CHN2: variants seen among roughly 807,000 people sequenced by gnomAD.
CHN2 encodes chimerin 2, also known as beta-chimaerin.
In CHN2, 35 loss-of-function variants were observed where a neutral mutation model predicts 56.3. The observed-to-expected ratio is 0.62, with a 90% CI of 0.47 to 0.82. CHN2 has a LOEUF of 0.82. CHN2 is among the 40% of genes least tolerant of loss of function. CHN2 has a pLI of 0.00. For missense variants in CHN2, 491 were observed against 580.5 expected, an observed-to-expected ratio of 0.85 and a Z score of 1.58; for synonymous variants, 210 against 212.8, an observed-to-expected ratio of 0.99 and a Z score of 0.12.
chr7:29,514,217 C>CA lies in CHN2; in HGVS notation c.*1488dup, dbSNP rs1372595388. ...TAGTTTATGTACTTCTTGATACTGT[C>CA]AAAAAATTATCTGGAAATGGTTTTA... On this transcript the variant is annotated 3_prime_UTR_variant, in exon 13 of 13. Transcript: ENST00000222792. 6.6e-6 allele frequency: 1 copy of CA among 152,488 alleles called. No individual in the cohort carries two copies. The highest frequency in any genetic ancestry group is 2.4e-5 in the African/African-American group (1 of 41,390). The allele number at this position is 152,488 out of a possible 1,614,324, so 9.4% of individuals were successfully genotyped here.
In CHN2 at chr7:29,345,891, C is replaced by G. The variant is rs1797397457; in HGVS notation, c.50-8734C>G. On this transcript the variant is annotated intron_variant, in intron 1 of 12. Coordinates refer to ENST00000222792, the MANE Select transcript of CHN2 (RefSeq NM_004067.4). ...TACTTCCCTTGTCTTTGGGGCCCAG[C>G]CTCAGGGTCCAGCAGTAATTCCTGG... Among the ~76,000 whole-genome samples the G allele has an allele frequency of 2.0e-5, 3 of 152,040 alleles. No individual in the cohort carries two copies. The South Asian group carries it at 6.2e-4, about 32-fold the overall frequency.
intron 8 of CHN2, among the ~76,000 whole-genome samples, chr7:29,499,229 G>C (rs1009828103): frequency 6.6e-6 from 1 of 152,028 alleles, no homozygotes; most frequent in African/African-American, 2.4e-5. Context: ...AAACTCTCAA[G>C]TACTCCTACT....
chr7:29,349,988 A>G (rs1411409916), intron 1 of CHN2, among the ~76,000 whole-genome samples: 1 of 152,182 alleles, frequency 6.6e-6, no homozygotes, highest in Non-Finnish European at 1.5e-5. Context: ...AATATGTTCC[A>G]CCATTTGGCT....
chr7:29,441,691 A>G (rs1264574247), intron 6 of CHN2, among the ~76,000 whole-genome samples: 1 of 152,244 alleles, frequency 6.6e-6, no homozygotes. Flanking sequence ...GTCCAACATT[A>G]TTAGTCATTA....
intron 6 of CHN2, among the ~76,000 whole-genome samples, chr7:29,416,005 A>G (rs1438597069): frequency 6.6e-6 from 1 of 152,176 alleles, no homozygotes; most frequent in Non-Finnish European, 1.5e-5. Flanking sequence ...GAAGAGTGGG[A>G]GGAAGCAGGA....
At chr7:29,262,158 A>T (rs1789605927) in intron 1 of CHN2, among the ~76,000 whole-genome samples, 2 of 152,146 alleles carry the variant, frequency 1.3e-5, no homozygotes, top group African/African-American at 4.8e-5. Flanking sequence ...ACAGAGCCAG[A>T]CTCAGCCTCA....
At chr7:29,278,413 T>A (rs910310904) in intron 1 of CHN2, among the ~76,000 whole-genome samples, 1 of 150,856 alleles carries the variant, frequency 6.6e-6, no homozygotes, top group Admixed American at 6.6e-5. Context: ...GATACATAAA[T>A]GAATGAGCAT....
At chr7:29,507,671 A>T (rs1457908763) in intron 11 of CHN2, among the ~76,000 whole-genome samples, 1 of 152,220 alleles carries the variant, frequency 6.6e-6, no homozygotes, top group African/African-American at 2.4e-5. Flanking sequence ...CAGAAAAAAA[A>T]GTCTTCAATG....
At chr7:29,270,151 A>G (rs548216687) in intron 1 of CHN2, among the ~76,000 whole-genome samples, 2 of 152,286 alleles carry the variant, frequency 1.3e-5, no homozygotes, top group South Asian at 4.1e-4. Context: ...CACTTTCTCC[A>G]TGCCAGGCAT....
intron 7 of CHN2, among the ~76,000 whole-genome samples, chr7:29,482,793 T>TTTTCG (rs1787425934): frequency 8.3e-6 from 1 of 119,934 alleles, no homozygotes; most frequent in African/African-American, 3.3e-5. Flanking sequence ...GTCTGCACTT[T>TTTTCG]TTTCTTTTTT....
chr7:29,422,185 T>A (rs1804413246), intron 6 of CHN2, among the ~76,000 whole-genome samples: 1 of 152,224 alleles, frequency 6.6e-6, no homozygotes, highest in South Asian at 2.1e-4. Context: ...GTGTTAATTT[T>A]AAGGATGACT....
intron 1 of CHN2, among the ~76,000 whole-genome samples, chr7:29,265,380 C>T (rs1790056422): frequency 6.6e-6 from 1 of 152,188 alleles, no homozygotes; most frequent in South Asian, 2.1e-4. Flanking sequence ...CTCTGCTAGA[C>T]TTAGACTGGC....
intron 2 of CHN2, among the ~76,000 whole-genome samples, chr7:29,159,110 C>A (rs1333907717): frequency 6.6e-6 from 1 of 152,172 alleles, no homozygotes; most frequent in African/African-American, 2.4e-5. Context: ...TCCTAATGGG[C>A]TACACAGCAC....
intron 6 of CHN2, among the ~76,000 whole-genome samples, chr7:29,463,546 C>G (rs1381516807): frequency 1.3e-5 from 2 of 152,102 alleles, no homozygotes; most frequent in Non-Finnish European, 2.9e-5. Context: ...TTCCTGTGGA[C>G]TCAGATTGTT....
intron 1 of CHN2, among the ~76,000 whole-genome samples, chr7:29,248,996 C>T (rs906548461): frequency 6.6e-6 from 1 of 152,158 alleles, no homozygotes; most frequent in Non-Finnish European, 1.5e-5. Context: ...TAGTCAAAAA[C>T]AAGTTCTTCT....
intron 1 of CHN2, among the ~76,000 whole-genome samples, chr7:29,329,739 G>T (rs1195151023): frequency 6.6e-6 from 1 of 152,156 alleles, no homozygotes; most frequent in East Asian, 1.9e-4. Context: ...ATCCTAAAGC[G>T]TTTTAATATT....
intron 6 of CHN2, among the ~76,000 whole-genome samples, chr7:29,449,163 T>C (rs967989972): frequency 2.0e-5 from 3 of 152,206 alleles, no homozygotes; most frequent in Non-Finnish European, 4.4e-5. Context: ...AGTGTTTCCT[T>C]ATTATTTCAC....
At chr7:29,498,241 A>G (rs1051289383) in intron 8 of CHN2, among the ~76,000 whole-genome samples, 1 of 152,220 alleles carries the variant, frequency 6.6e-6, no homozygotes, top group African/African-American at 2.4e-5. Context: ...TAAACACTTT[A>G]TTAACTTTTA....
chr7:29,157,483 T>C (rs1012072880), intron 2 of CHN2, among the ~76,000 whole-genome samples: 1 of 152,212 alleles, frequency 6.6e-6, no homozygotes, highest in Non-Finnish European at 1.5e-5. Flanking sequence ...CACAGTGGCT[T>C]ATTCACAGTC....
Sources: allele counts gnomAD v4.1 joint callset (sites outside exome capture counted in the v4.1 genomes callset), GRCh38; gene constraint gnomAD v4.1.1; transcripts MANE v1.5; gene names NCBI Gene and HGNC (gene_info 2026-07-23, HGNC 2026-07-21).